Variants in NTF3 observed in about 807,000 individuals in gnomAD.
NTF3 encodes the protein neurotrophin-3.
In NTF3, 8 loss-of-function variants were observed where a neutral mutation model predicts 26.3. The ratio of observed to expected loss-of-function variants is 0.30; its 90% CI spans 0.18 to 0.55. NTF3 has a LOEUF of 0.55. Among genes scored for constraint, NTF3 ranks in the 20% least tolerant of loss-of-function variants. The probability of loss-of-function intolerance (pLI) is 0.93; values close to 1 mark genes in which losing one functional copy is unlikely to be tolerated. For missense variants in NTF3, 276 were observed against 352.9 expected, an observed-to-expected ratio of 0.78 and a Z score of 1.75; for synonymous variants, 154 against 145.5, an observed-to-expected ratio of 1.06 and a Z score of -0.42.
In NTF3 at chr12:5,478,782, G is replaced by A. The variant is rs746524027; in HGVS notation, c.19-15412G>A. 3.9e-5 allele frequency among the ~76,000 whole-genome samples: 6 copies of A among 152,364 alleles called. No individual in the cohort carries two copies. The East Asian group carries it at 5.8e-4, about 15-fold the overall frequency. The stretch of plus-strand genomic sequence containing the variant: ...CATTGGTCCAGGGGCAGAAGAGCTC[G>A]TCTGTTGCCTTTTAGGAGGGCTCTA... On this transcript the variant is annotated intron_variant, in intron 1 of 1. Coordinates refer to ENST00000423158, the MANE Select transcript of NTF3 (RefSeq NM_001102654.2).
At chr12:5,431,302 G>A (rs1198742683), upstream of NTF3, among the ~76,000 whole-genome samples, 8 of 152,140 alleles carry the variant, frequency 5.3e-5, no homozygotes, top group African/African-American at 1.9e-4. Flanking sequence ...TGGAAGGAAG[G>A]GGTTTAGAAG....
intron 1 of NTF3, among the ~76,000 whole-genome samples, chr12:5,482,856 C>G (rs1468919017): frequency 6.6e-6 from 1 of 150,892 alleles, no homozygotes; most frequent in Non-Finnish European, 1.5e-5. Context: ...CTTTATCTCT[C>G]TGTCTCTCCC....
intron 1 of NTF3, among the ~76,000 whole-genome samples, chr12:5,447,615 G>A (rs1277128689): frequency 1.4e-4 from 22 of 152,218 alleles, no homozygotes; most frequent in Non-Finnish European, 4.4e-5. Context: ...CACAATGTGG[G>A]GTTTCAGGTG....
intron 1 of NTF3, 186 bp from the exon 2 acceptor site, chr12:5,494,000 TTCGCAGTA>T: frequency 1.7e-6 from 1 of 599,424 alleles, no homozygotes; most frequent in East Asian, 2.8e-5. Flanking sequence ...CTGGAGTGCA[TTCGCAGTA>T]TCTCCCGGGG....
chr12:5,458,453 A>G (rs12817188), intron 1 of NTF3, among the ~76,000 whole-genome samples: 34,183 of 152,190 alleles, frequency 0.22, 4,923 homozygotes, highest in Non-Finnish European at 0.32. Flanking sequence ...TCTTGAAGGC[A>G]GGAACAATTC....
chr12:5,477,565 G>A (rs574506707), intron 1 of NTF3, among the ~76,000 whole-genome samples: 15 of 152,292 alleles, frequency 9.8e-5, no homozygotes, highest in East Asian at 7.7e-4. Context: ...CAGGATCTGC[G>A]TCATAGGGTT....
intron 1 of NTF3, among the ~76,000 whole-genome samples, chr12:5,481,837 ACACATG>A (rs1186550845): frequency 1.1e-4 from 16 of 146,224 alleles, no homozygotes; most frequent in African/African-American, 2.3e-4. Flanking sequence ...TGCATACTAC[ACACATG>A]CACATGCACA....
chr12:5,468,941 CA>C (rs1422379778), intron 1 of NTF3, among the ~76,000 whole-genome samples: 2 of 152,070 alleles, frequency 1.3e-5, no homozygotes, highest in African/African-American at 4.8e-5. Context: ...GGCAACATGG[CA>C]AAACCCCATC....
In NTF3 at chr12:5,494,576, A is replaced by G. The variant is rs1259409444; in HGVS notation, c.401A>G (p.Glu134Gly). The part of the protein sequence containing the change: ...PLEPPPLYLM[E>G]DYVGSPVVAN... ...GAGCCCCCGCCCTTGTATCTCATGG[A>G]GGATTACGTGGGCAGCCCCGTGGTG... is the stretch of plus-strand genomic sequence containing the variant. The change falls in exon 2 of 2, where the codon GAG becomes GGG. Residue 134 changes from glutamate (E) to glycine (G), a missense_variant. By Grantham distance (98) the Glu-to-Gly change is moderately conservative. Transcript: ENST00000423158. The surrounding 1 kb of genome is among the most constrained non-coding windows in gnomAD (Gnocchi z 8.3). 1.9e-6 allele frequency: 3 copies of G among 1,613,878 alleles called. No individual in the cohort carries two copies. The highest frequency in any genetic ancestry group is 2.7e-5 in the African/African-American group (2 of 74,870).
chr12:5,460,079 T>C (rs1404288012), intron 1 of NTF3, among the ~76,000 whole-genome samples: 1 of 152,204 alleles, frequency 6.6e-6, no homozygotes, highest in East Asian at 1.9e-4. Flanking sequence ...TAACCAGCTA[T>C]TACAGAGTTA....
At chr12:5,445,995 A>G (rs1940300989) in intron 1 of NTF3, among the ~76,000 whole-genome samples, 1 of 152,266 alleles carries the variant, frequency 6.6e-6, no homozygotes, top group African/African-American at 2.4e-5. Flanking sequence ...TGAAGGGTGT[A>G]TTGAGGATGA....
chr12:5,493,074 C>A (rs920383317), intron 1 of NTF3, among the ~76,000 whole-genome samples: 1 of 152,126 alleles, frequency 6.6e-6, no homozygotes, highest in Non-Finnish European at 1.5e-5. Flanking sequence ...AGGAGGTGGA[C>A]GAATTCGGGG....
chr12:5,442,873 G>A (rs576394503), intron 1 of NTF3, among the ~76,000 whole-genome samples: 1 of 152,328 alleles, frequency 6.6e-6, no homozygotes, highest in South Asian at 2.1e-4. Flanking sequence ...GAGATACAAA[G>A]CAAGGCCTTA....
intron 1 of NTF3, among the ~76,000 whole-genome samples, chr12:5,435,596 A>C (rs1940157570): frequency 6.6e-6 from 1 of 151,848 alleles, no homozygotes; most frequent in South Asian, 2.1e-4. Context: ...GTGGGCTGGG[A>C]ATTGGAGGGT....
At chr12:5,437,990 G>T (rs1221258482) in intron 1 of NTF3, among the ~76,000 whole-genome samples, 1 of 152,166 alleles carries the variant, frequency 6.6e-6, no homozygotes, top group East Asian at 1.9e-4. Flanking sequence ...GCTCAGATTG[G>T]ATTGTCATTG....
Position 5,494,584 on chromosome 12 carries a change from G to A in NTF3, c.409G>A (p.Val137Met). ...PPPLYLMEDY[V>M]GSPVVANRTS... ...GCCCTTGTATCTCATGGAGGATTACGTGGGCAGCCCCGTGGTGGCGAACAG... is the reference window on the plus strand; with the variant it reads ...GCCCTTGTATCTCATGGAGGATTACATGGGCAGCCCCGTGGTGGCGAACAG... Residue 137 changes from valine to methionine, a missense_variant, in exon 2 of 2, where the codon GTG becomes ATG. Transcript: ENST00000423158. The surrounding 1 kb of genome is among the most constrained non-coding windows in gnomAD (Gnocchi z 8.3). 1.9e-6 allele frequency: 3 copies of A among 1,614,124 alleles called. No homozygotes were observed. The highest frequency in any genetic ancestry group is 2.5e-6 in the Non-Finnish European group (3 of 1,180,028).
rs1018524762 is a variant in NTF3 at position 5,433,243 on chromosome 12, G to C, written c.18+901G>C. On this transcript the variant is annotated intron_variant, in intron 1 of 1. Coordinates refer to ENST00000423158, the MANE Select transcript of NTF3 (RefSeq NM_001102654.2). This position sits in a 1 kb window ranked among gnomAD's most constrained non-coding sequence, Gnocchi z 4.6. ...GCACCCGGGCCCGGCCATCCCAGGG[G>C]ATCTCCTTGCGGTATCGTCCAGCCT... The C allele has an allele frequency of 3.9e-5, 6 of 152,196 alleles. No individual in the cohort carries two copies. Among genetic ancestry groups the C allele is most frequent in the African/African-American group, 1.4e-4 (6 of 41,442 alleles). 9.4% of individuals were successfully genotyped at this position (152,196 alleles called of 1,614,324 possible).
intron 1 of NTF3, among the ~76,000 whole-genome samples, chr12:5,462,083 A>G (rs1356808297): frequency 1.3e-5 from 2 of 152,194 alleles, no homozygotes; most frequent in Admixed American, 6.5e-5. Flanking sequence ...AAATACAGCA[A>G]CTGTGCTGCC....
intron 1 of NTF3, among the ~76,000 whole-genome samples, chr12:5,455,411 G>A (rs1407792290): frequency 2.6e-5 from 4 of 152,142 alleles, no homozygotes; most frequent in Non-Finnish European, 5.9e-5. Flanking sequence ...GCAGGAGGAC[G>A]ATGCATGCAA....
Sources: allele counts gnomAD v4.1 joint callset (sites outside exome capture counted in the v4.1 genomes callset), GRCh38; gene constraint gnomAD v4.1.1; non-coding constraint Gnocchi (gnomAD v3.1); transcripts MANE v1.5; gene names NCBI Gene and HGNC (gene_info 2026-07-23, HGNC 2026-07-21).